The following HHIPL2 variants were observed in gnomAD, a reference collection of about 807,000 sequenced individuals.
HHIPL2 encodes HHIP like 2, also known as HHIP-like protein 2.
In HHIPL2, 61 loss-of-function variants were observed where a neutral mutation model predicts 61.0. The ratio of observed to expected loss-of-function variants is 1.00; its 90% CI spans 0.81 to 1.24. The LOEUF (loss-of-function observed/expected upper bound fraction) is 1.24. Ranked by LOEUF, HHIPL2 falls within the 50% of genes most tolerant of loss-of-function variation. The pLI, the probability that HHIPL2 is intolerant of heterozygous loss-of-function variation, is 0.00. For missense variants in HHIPL2, 885 were observed against 910.2 expected (o/e 0.97, Z 0.36); for synonymous variants, 343 against 357.4 (o/e 0.96, Z 0.45).
rs528220446 is a variant in HHIPL2 at position 222,544,020 on chromosome 1, T to TC, written c.490dup (p.Asp164GlyfsTer13). 1,460 of 1,614,032 alleles carry TC rather than the reference T, an allele frequency of 9.0e-4. 12 individuals are homozygous for TC. The African/African-American group carries it at 0.016, about 18-fold the overall frequency. On this transcript the variant is annotated frameshift_variant, in exon 2 of 9. Coordinates refer to ENST00000343410, the MANE Select transcript of HHIPL2 (RefSeq NM_024746.4). LOFTEE classifies it high-confidence loss of function. ...CAGGAGGTGGCAGAAGCGGGTACCG[T>TC]CCCTTCCATGAGACTCCTGGAGGCC...
At chr1:222,543,420 C>T (rs1455733587) in intron 2 of HHIPL2, 117 bp downstream of exon 2, 6 of 1,052,098 alleles carry the variant, frequency 5.7e-6, no homozygotes, top group Non-Finnish European at 7.0e-6. Context: ...TGACTCCTTT[C>T]TCAACAGTTC....
intron 7 of HHIPL2, among the ~76,000 whole-genome samples, chr1:222,525,886 C>T (rs1477075336): frequency 2.6e-5 from 4 of 151,872 alleles, no homozygotes; most frequent in Non-Finnish European, 4.4e-5. Flanking sequence ...GTAATGCCAG[C>T]GACTTGGGAG....
At position 222,527,041 on chromosome 1, in the gene HHIPL2, T is replaced by C. The variant is rs1379032785; in HGVS notation, c.1733A>G (p.Tyr578Cys). The C allele has an allele frequency of 6.2e-7, 1 of 1,613,022 alleles. No individual in the cohort carries two copies. The highest frequency in any genetic ancestry group is 2.2e-5 in the East Asian group (1 of 44,858). The change falls in exon 7 of 9, where the codon TAT becomes TGT. Residue 578 changes from tyrosine to cysteine, a missense_variant. Transcript: ENST00000343410. ...ACTTGGGTAAGAGGTCGCCAGGAAA[T>C]ACAGCTCCCCTAAGGCAACAAAAAT... ...SFAEDEAGEL[Y>C]FLATSYPSAY...
chr1:222,538,358 C>G (rs1183951903), intron 5 of HHIPL2, among the ~76,000 whole-genome samples: 1 of 151,014 alleles, frequency 6.6e-6, no homozygotes, highest in East Asian at 2.0e-4. Flanking sequence ...ATGCTCAGAA[C>G]AAGTAAGCTG....
At chr1:222,546,113 C>T (rs768261404) in intron 1 of HHIPL2, among the ~76,000 whole-genome samples, 27 of 150,514 alleles carry the variant, frequency 1.8e-4, no homozygotes, top group Non-Finnish European at 3.0e-4. Flanking sequence ...GTCTTACGTG[C>T]CAGGCACCGT....
chr1:222,533,683 C>T (rs1659239041), intron 5 of HHIPL2, among the ~76,000 whole-genome samples: 1 of 152,130 alleles, frequency 6.6e-6, no homozygotes, highest in South Asian at 2.1e-4. Flanking sequence ...GAAGATCAGG[C>T]AATGGAGGAG....
Position 222,522,421 on chromosome 1 carries a change from C to T in HHIPL2, c.*180G>A. On this transcript the variant is annotated 3_prime_UTR_variant, in exon 9 of 9. Transcript: ENST00000343410. ...TGGTCTCCCACAGAAGCACTGCATA[C>T]AGAGAAGGTGCATTTATTTATTCAG... The T allele has an allele frequency of 1.5e-6, 1 of 669,882 alleles. No individual in the cohort carries two copies. Among genetic ancestry groups the T allele is most frequent in the Middle Eastern group, 4.2e-4 (1 of 2,366 alleles). 41.5% of individuals were successfully genotyped at this position (669,882 alleles called of 1,614,324 possible).
Position 222,544,065 on chromosome 1 carries a change from G to A in HHIPL2, c.446C>T (p.Ser149Phe), listed in dbSNP as rs762718976. 2.0e-5 allele frequency: 33 copies of A among 1,614,050 alleles called. No homozygotes were observed. The highest frequency in any genetic ancestry group is 1.9e-4 in the African/African-American group (14 of 74,916). Residue 149 changes from serine (S) to phenylalanine (F), a missense_variant, in exon 2 of 9, where the codon TCC (serine) becomes TTC (phenylalanine). Physicochemically the swap from Ser to Phe is radical, Grantham distance 155. Coordinates refer to ENST00000343410, the MANE Select transcript of HHIPL2 (RefSeq NM_024746.4). The stretch of plus-strand genomic sequence containing the variant: ...GAGGCCGCGGTCATTGGTCAGCAGG[G>A]AAATGGCTGAGTGACAGTTAGAATG... ...AFHSNCHSAI[S>F]LLTNDRGLQE...
intron 5 of HHIPL2, among the ~76,000 whole-genome samples, chr1:222,533,970 G>A (rs1174428206): frequency 6.6e-6 from 1 of 152,318 alleles, no homozygotes; most frequent in South Asian, 2.1e-4. Context: ...AGATACATGT[G>A]AGAAAATACT....
chr1:222,545,898 A>G (rs1417825197), intron 1 of HHIPL2, among the ~76,000 whole-genome samples: 3 of 151,764 alleles, frequency 2.0e-5, no homozygotes, highest in African/African-American at 7.3e-5. Context: ...AAATAAAAAA[A>G]CCCAGGCATG....
intron 6 of HHIPL2, among the ~76,000 whole-genome samples, chr1:222,530,055 A>G (rs1386705958): frequency 6.6e-6 from 1 of 152,234 alleles, no homozygotes; most frequent in Non-Finnish European, 1.5e-5. Context: ...GAACAGCCTC[A>G]TCAGCCTCAG....
chr1:222,522,815 G>A lies in HHIPL2; in HGVS notation c.1961C>T (p.Ser654Phe). 6.2e-7 allele frequency: 1 copy of A among 1,614,226 alleles called. No individual in the cohort carries two copies. Among genetic ancestry groups the A allele is most frequent in the Non-Finnish European group, 8.5e-7 (1 of 1,180,046 alleles). Reference protein sequence around the residue: ...ARKSSSATLASGPAQGLSEKG... With the variant: ...ARKSSSATLAFGPAQGLSEKG... Reference sequence around the variant, plus strand: ...CTCAGACAAACCCTGGGCTGGGCCAGAAGCTAAGGTTGCACTGGAAGATTT... The same window carrying A: ...CTCAGACAAACCCTGGGCTGGGCCAAAAGCTAAGGTTGCACTGGAAGATTT... The change falls in exon 9 of 9, where the codon TCT becomes TTT. Residue 654 changes from serine to phenylalanine, a missense_variant. By Grantham distance (155) the Ser-to-Phe change is radical. Coordinates refer to ENST00000343410, the MANE Select transcript of HHIPL2 (RefSeq NM_024746.4).
intron 7 of HHIPL2, among the ~76,000 whole-genome samples, chr1:222,526,115 A>G (rs1027126908): frequency 2.0e-5 from 3 of 151,916 alleles, no homozygotes; most frequent in African/African-American, 7.3e-5. Flanking sequence ...AGACCCAACC[A>G]CCTCTCAAGT....
At chr1:222,543,434 T>C in intron 2 of HHIPL2, 103 bp downstream of exon 2, 3 of 1,141,722 alleles carry the variant, frequency 2.6e-6, no homozygotes, top group Non-Finnish European at 3.8e-6. Context: ...ACAGTTCGAG[T>C]AGTGCTCTAA....
At chr1:222,537,223 A>G (rs977987636) in intron 5 of HHIPL2, among the ~76,000 whole-genome samples, 1 of 152,026 alleles carries the variant, frequency 6.6e-6, no homozygotes, top group South Asian at 2.1e-4. Context: ...CCCAACATCT[A>G]TATCTAATAC....
chr1:222,527,629 G>T (rs1659097873), intron 6 of HHIPL2, among the ~76,000 whole-genome samples: 1 of 151,928 alleles, frequency 6.6e-6, no homozygotes, highest in Non-Finnish European at 1.5e-5. Context: ...GTATCTCTCT[G>T]ATATGGTTTG....
At chr1:222,546,359 A>G (rs1659557089) in intron 1 of HHIPL2, among the ~76,000 whole-genome samples, 1 of 152,252 alleles carries the variant, frequency 6.6e-6, no homozygotes, top group African/African-American at 2.4e-5. Context: ...CCTCATCAGT[A>G]AAATGAGGAT....
chr1:222,532,472 G>A (rs536200157), intron 5 of HHIPL2, among the ~76,000 whole-genome samples: 1 of 152,182 alleles, frequency 6.6e-6, no homozygotes, highest in East Asian at 1.9e-4. Context: ...AAATTAGCCA[G>A]GCAGGGTGGT....
intron 8 of HHIPL2, 38 bp downstream of exon 8, chr1:222,523,574 C>A: frequency 6.3e-7 from 1 of 1,591,616 alleles, no homozygotes. Flanking sequence ...TTAGCCTCCA[C>A]ACCAAGGCCT....
Sources: gnomAD v4.1 joint callset for allele counts (sites outside exome capture counted in the v4.1 genomes callset) on GRCh38, gnomAD v4.1.1 for gene constraint, MANE v1.5 for transcripts, NCBI Gene and HGNC (gene_info 2026-07-23, HGNC 2026-07-21) for gene names.